RAD52: variants seen among roughly 807,000 people sequenced by gnomAD.
RAD52 encodes the protein RAD52 DNA repair protein, also known as DNA repair protein RAD52 homolog.
RAD52 carries 47 observed loss-of-function variants against 55.5 expected under a neutral mutation model. The observed-to-expected ratio is 0.85, with a 90% CI of 0.67 to 1.08. RAD52 has a LOEUF of 1.08. RAD52 is among the 50% of genes least tolerant of loss of function. The probability of loss-of-function intolerance (pLI) is 0.00; values close to 1 mark genes in which losing one functional copy is unlikely to be tolerated. For synonymous variants in RAD52, 184 were observed against 198.9 expected, an observed-to-expected ratio of 0.92 and a Z score of 0.63; for missense variants, 468 against 522.8, an observed-to-expected ratio of 0.90 and a Z score of 1.02.
At position 947,513 on chromosome 12, in the gene RAD52, G is replaced by C. The variant is rs182417059; in HGVS notation, c.-19+2089C>G. Among the ~76,000 whole-genome samples the C allele has an allele frequency of 6.7e-3, 987 of 147,774 alleles. 9 individuals carry two copies. The highest frequency in any genetic ancestry group is 0.024 in the African/African-American group (937 of 39,772). On this transcript the variant is annotated intron_variant, in intron 1 of 11. Transcript: ENST00000358495. Reference sequence around the variant, plus strand: ...AAATACCAAAAATTAGCCTGGCATAGTGGCATGCGCCTGTAAGCCCAGTTA... The same window carrying C: ...AAATACCAAAAATTAGCCTGGCATACTGGCATGCGCCTGTAAGCCCAGTTA...
In RAD52 at chr12:930,065, G is replaced by A. The variant is rs144832155; in HGVS notation, c.266C>T (p.Thr89Met). ...AGCATACTCACCCACATTCTGCTGC[G>A]TGATGGAGTGTGCCCAGCCATTGTA... is the stretch of plus-strand genomic sequence containing the variant. The part of the protein sequence containing the change: ...FGYNGWAHSI[T>M]QQNVDFVDLN... The change falls in exon 4 of 12, where the codon ACG becomes ATG. Residue 89 changes from threonine to methionine, a missense_variant. Coordinates refer to ENST00000358495, the MANE Select transcript of RAD52 (RefSeq NM_134424.4). The A allele has an allele frequency of 1.9e-5, 31 of 1,613,712 alleles. No individual in the cohort carries two copies. The highest frequency in any genetic ancestry group is 3.3e-4 in the Middle Eastern group (2 of 6,084).
At chr12:944,422 A>G (rs903396641) in intron 1 of RAD52, among the ~76,000 whole-genome samples, 5 of 151,410 alleles carry the variant, frequency 3.3e-5, no homozygotes, top group African/African-American at 1.2e-4. Flanking sequence ...CTGTGGTGGG[A>G]GGATCACTTG....
intron 9 of RAD52, among the ~76,000 whole-genome samples, chr12:916,015 C>A (rs1956351677): frequency 6.6e-6 from 1 of 152,154 alleles, no homozygotes; most frequent in African/African-American, 2.4e-5. Context: ...CCGTGCCCGG[C>A]CAAGGCTTTC....
chr12:949,646 C>T lies in RAD52; in HGVS notation c.-63G>A, dbSNP rs988012074. ...GTGCACACAGGGAGCTCGATCTAGG[C>T]TATGGACAAGGGGAAGAGATCTTAG... On this transcript the variant is annotated 5_prime_UTR_variant, in exon 1 of 12. Transcript: ENST00000358495. 6.6e-6 allele frequency: 1 copy of T among 152,274 alleles called. No homozygotes were observed. Among genetic ancestry groups the T allele is most frequent in the African/African-American group, 2.4e-5 (1 of 41,394 alleles). 9.4% of individuals were successfully genotyped at this position (152,274 alleles called of 1,614,324 possible). A position where few individuals can be genotyped will look rare whatever the true frequency, so the allele number is the denominator to read the frequency against.
intron 1 of RAD52, among the ~76,000 whole-genome samples, chr12:949,244 TC>T (rs1336673256): frequency 6.6e-6 from 1 of 152,080 alleles, no homozygotes; most frequent in Non-Finnish European, 1.5e-5. Context: ...TCCCTGCAAC[TC>T]AACTTCGTTT....
intron 1 of RAD52, among the ~76,000 whole-genome samples, chr12:935,420 G>A (rs995163226): frequency 7.1e-6 from 1 of 140,884 alleles, no homozygotes; most frequent in Non-Finnish European, 1.5e-5. Flanking sequence ...CGCTCTTGTC[G>A]CCTAGGCTGC....
chr12:939,670 A>G (rs1034136711), intron 1 of RAD52, among the ~76,000 whole-genome samples: 4 of 152,234 alleles, frequency 2.6e-5, no homozygotes, highest in African/African-American at 9.6e-5. Flanking sequence ...CTAATTACCC[A>G]TAAGTAGAAA....
intron 1 of RAD52, chr12:975,796 A>G (rs1000664321): frequency 1.3e-5 from 2 of 152,208 alleles, no homozygotes; most frequent in African/African-American, 2.4e-5. Context: ...TGCTCTTGTC[A>G]AGGTCCCCAA....
intron 5 of RAD52, among the ~76,000 whole-genome samples, chr12:927,537 C>A (rs542120744): frequency 6.6e-6 from 1 of 152,244 alleles, no homozygotes; most frequent in East Asian, 1.9e-4. Flanking sequence ...ACCCCAAATC[C>A]TATCAGTGTG....
At chr12:953,410 C>G (rs920143768), upstream of RAD52, among the ~76,000 whole-genome samples, 2 of 152,150 alleles carry the variant, frequency 1.3e-5, no homozygotes, top group Admixed American at 1.3e-4. Flanking sequence ...AGCCAAAGAA[C>G]ATGAGGCCAC....
At chr12:958,337 T>C (rs1231727089) in intron 1 of RAD52, among the ~76,000 whole-genome samples, 1 of 152,186 alleles carries the variant, frequency 6.6e-6, no homozygotes, top group Non-Finnish European at 1.5e-5. Context: ...TGCCTCAGCC[T>C]CCCAAGTAGC....
intron 1 of RAD52, among the ~76,000 whole-genome samples, chr12:966,350 C>T (rs545367564): frequency 1.3e-5 from 2 of 152,064 alleles, no homozygotes; most frequent in Non-Finnish European, 2.9e-5. Context: ...TTCCTTATTC[C>T]TGGATATAAT....
At chr12:927,379 A>G (rs1957095955) in intron 5 of RAD52, 116 bp from the exon 6 acceptor site, 1 of 766,620 alleles carries the variant, frequency 1.3e-6, no homozygotes, top group African/African-American at 1.7e-5. Context: ...CGGCCTTGCT[A>G]CAGGGGCACG....
intron 1 of RAD52, among the ~76,000 whole-genome samples, chr12:955,085 A>G (rs1466826252): frequency 2.6e-5 from 4 of 152,266 alleles, no homozygotes; most frequent in Admixed American, 2.6e-4. Context: ...CACATTAATT[A>G]GAATTTAAAG....
At chr12:972,608 T>C (rs895346076) in intron 1 of RAD52, among the ~76,000 whole-genome samples, 2 of 151,460 alleles carry the variant, frequency 1.3e-5, no homozygotes, top group African/African-American at 2.4e-5. Context: ...CTACTAAATA[T>C]ACAAAAAATT....
At chr12:979,624 G>A (rs555442113) in intron 1 of RAD52, among the ~76,000 whole-genome samples, 1 of 152,274 alleles carries the variant, frequency 6.6e-6, no homozygotes, top group South Asian at 2.1e-4. Flanking sequence ...GAAGATGGCT[G>A]TCTGCAATCA....
At chr12:946,895 C>G (rs898711245) in intron 1 of RAD52, among the ~76,000 whole-genome samples, 1 of 152,212 alleles carries the variant, frequency 6.6e-6, no homozygotes, top group Admixed American at 6.5e-5. Flanking sequence ...CAAGATAACA[C>G]GTTTTGGTGT....
chr12:973,347 G>A (rs1958893276), intron 1 of RAD52, among the ~76,000 whole-genome samples: 1 of 152,170 alleles, frequency 6.6e-6, no homozygotes, highest in Non-Finnish European at 1.5e-5. Context: ...GGGATTACAG[G>A]TGTGAGCCAC....
chr12:972,369 C>G (rs568349693), intron 1 of RAD52, among the ~76,000 whole-genome samples: 14 of 152,218 alleles, frequency 9.2e-5, no homozygotes, highest in Non-Finnish European at 1.9e-4. Flanking sequence ...GGCTGTTTCA[C>G]ATAGGGGCAC....
Sources: gnomAD v4.1 joint callset for allele counts (sites outside exome capture counted in the v4.1 genomes callset) on GRCh38, gnomAD v4.1.1 for gene constraint, MANE v1.5 for transcripts, NCBI Gene and HGNC (gene_info 2026-07-23, HGNC 2026-07-21) for gene names.